EXOC2: variants seen among roughly 807,000 people sequenced by gnomAD.
EXOC2 encodes exocyst complex component 2, also known as SEC5-like 1.
EXOC2 carries 70 observed loss-of-function variants against 131.8 expected under a neutral mutation model. That is an observed-to-expected ratio of 0.53 (90% confidence interval 0.44 to 0.65). The LOEUF (loss-of-function observed/expected upper bound fraction) is 0.65. Among genes scored for constraint, EXOC2 ranks in the 30% least tolerant of loss-of-function variants. EXOC2 has a pLI of 0.00. For synonymous variants in EXOC2, 411 were observed against 398.4 expected (o/e 1.03, Z -0.38); for missense variants, 923 against 1,108.6 (o/e 0.83, Z 2.38).
intron 11 of EXOC2, among the ~76,000 whole-genome samples, chr6:577,884 C>T (rs1373722731): frequency 6.6e-6 from 1 of 152,202 alleles, no homozygotes; most frequent in Non-Finnish European, 1.5e-5. Flanking sequence ...ACAGCTATTA[C>T]ACAAGGTCAC....
Position 606,445 on chromosome 6 carries a change from GA to G in EXOC2, c.742+3652del, listed in dbSNP as rs1223487444. Among the ~76,000 whole-genome samples the G allele has an allele frequency of 5.4e-5, 8 of 149,370 alleles. No homozygotes were observed. In the East Asian group the frequency reaches 7.7e-4, roughly 14 times the overall value. The stretch of plus-strand genomic sequence containing the variant: ...AAAAAAAAGAATCTCCACATCACAA[GA>G]AAAAAAATAAAAAATAAAACATCAG... On this transcript the variant is annotated intron_variant, in intron 7 of 27. Transcript: ENST00000230449.
At chr6:497,608 TA>T in intron 24 of EXOC2, 119 bp from the exon 25 acceptor site, 1 of 1,298,548 alleles carries the variant, frequency 7.7e-7, no homozygotes, top group Non-Finnish European at 1.0e-6. Context: ...AAGTCATTTT[TA>T]AAAGGCCAAA....
intron 27 of EXOC2, among the ~76,000 whole-genome samples, chr6:487,520 C>T (rs1322585687): frequency 6.6e-6 from 1 of 152,162 alleles, no homozygotes; most frequent in Non-Finnish European, 1.5e-5. Context: ...AATTCTCCTG[C>T]CTCAGCCTCC....
At chr6:504,508 GTCC>G (rs1199569732) in intron 23 of EXOC2, among the ~76,000 whole-genome samples, 1 of 152,226 alleles carries the variant, frequency 6.6e-6, no homozygotes, top group African/African-American at 2.4e-5. Context: ...GGTGGCATAT[GTCC>G]TCCTCCCATT....
intron 4 of EXOC2, among the ~76,000 whole-genome samples, chr6:621,158 C>T (rs371421179): frequency 6.6e-6 from 1 of 152,184 alleles, no homozygotes. Flanking sequence ...TGCTTGCACA[C>T]CTGGACATGG....
intron 10 of EXOC2, 25 bp from the exon 11 acceptor site, chr6:592,612 G>C (rs766824535): frequency 1.3e-6 from 2 of 1,555,330 alleles, no homozygotes; most frequent in Admixed American, 3.5e-5. Context: ...CCAAGGTTGA[G>C]GCCAAAGGGA....
At chr6:544,740 A>G (rs748378079) in intron 22 of EXOC2, among the ~76,000 whole-genome samples, 14 of 152,230 alleles carry the variant, frequency 9.2e-5, no homozygotes, top group Non-Finnish European at 1.6e-4. Context: ...AAGCAACGCA[A>G]AACTCTAGAA....
At chr6:640,402 T>C (rs1020773058) in intron 1 of EXOC2, among the ~76,000 whole-genome samples, 2 of 152,136 alleles carry the variant, frequency 1.3e-5, no homozygotes, top group Non-Finnish European at 2.9e-5. Context: ...AAGACAGAGA[T>C]GGAAGAAAGA....
At chr6:573,459 C>T (rs1051818364) in intron 12 of EXOC2, among the ~76,000 whole-genome samples, 1 of 152,156 alleles carries the variant, frequency 6.6e-6, no homozygotes, top group East Asian at 1.9e-4. Context: ...GCAGAGTCCA[C>T]CCCGTCCAGT....
Position 610,191 on chromosome 6 carries a change from A to T in EXOC2, c.662-13T>A. The T allele has an allele frequency of 6.2e-7, 1 of 1,610,888 alleles. No individual in the cohort carries two copies. Among genetic ancestry groups the T allele is most frequent in the Non-Finnish European group, 8.5e-7 (1 of 1,177,306 alleles). On this transcript the variant is annotated splice_polypyrimidine_tract_variant and intron_variant, in intron 6 of 27. Transcript: ENST00000230449. ...TTTTGATGGATGGCTAGAAAAAAAAATCTAGTTAAAATGTAGGCCATTTTA... is the reference window on the plus strand; with the variant it reads ...TTTTGATGGATGGCTAGAAAAAAAATTCTAGTTAAAATGTAGGCCATTTTA...
At chr6:640,429 A>C (rs2127720387) in intron 1 of EXOC2, among the ~76,000 whole-genome samples, 1 of 152,334 alleles carries the variant, frequency 6.6e-6, no homozygotes, top group East Asian at 1.9e-4. Context: ...AGAAAAAAAC[A>C]CAGAACAAAC....
Position 661,175 on chromosome 6 carries a change from G to A in EXOC2, c.-43-23314C>T, listed in dbSNP as rs576964134. On this transcript the variant is annotated intron_variant, in intron 1 of 27. Coordinates refer to ENST00000230449, the MANE Select transcript of EXOC2 (RefSeq NM_018303.6). Reference sequence around the variant, plus strand: ...TGTTAAATGACCAAACCTAATAATCGGTGTTCCTGAGGAAGAAGAGAATTC... The same window carrying A: ...TGTTAAATGACCAAACCTAATAATCAGTGTTCCTGAGGAAGAAGAGAATTC... Among the ~76,000 whole-genome samples, 35 of 152,224 alleles carry A rather than the reference G, an allele frequency of 2.3e-4. No homozygotes were observed. The South Asian group carries it at 5.6e-3, about 24-fold the overall frequency.
chr6:562,951 T>C, intron 16 of EXOC2, 106 bp from the exon 17 acceptor site: 1 of 735,804 alleles, frequency 1.4e-6, no homozygotes, highest in Non-Finnish European at 2.0e-6. Context: ...TTATATAGGT[T>C]TGTAAAAACT....
intron 17 of EXOC2, 127 bp downstream of exon 17, chr6:562,657 A>G: frequency 1.9e-6 from 1 of 534,834 alleles, no homozygotes; most frequent in Non-Finnish European, 3.0e-6. Flanking sequence ...TGAGAAGAAA[A>G]CCTTTAAGAA....
chr6:602,786 G>A (rs1283769809), intron 7 of EXOC2, among the ~76,000 whole-genome samples: 1 of 152,188 alleles, frequency 6.6e-6, no homozygotes, highest in Non-Finnish European at 1.5e-5. Flanking sequence ...TAAACACAGC[G>A]TGGTTGCCAC....
intron 23 of EXOC2, among the ~76,000 whole-genome samples, chr6:507,338 CACACACCACAGCAGTGACCCCACACA>C (rs1764621470): frequency 1.9e-5 from 1 of 54,034 alleles, no homozygotes; most frequent in Non-Finnish European, 4.6e-5. Context: ...ACCCCCCCCA[CACACACCACAGCAGTGACCCCACACA>C]CACACACACA....
chr6:675,436 G>A (rs1764066633), intron 1 of EXOC2, among the ~76,000 whole-genome samples: 1 of 152,224 alleles, frequency 6.6e-6, no homozygotes, highest in Non-Finnish European at 1.5e-5. Flanking sequence ...CAGACATGCA[G>A]GAGTACATGA....
chr6:497,433 T>G lies in EXOC2; in HGVS notation c.2493A>C (p.Ala831=), dbSNP rs760120165. The G allele has an allele frequency of 1.2e-6, 2 of 1,614,090 alleles. No individual in the cohort carries two copies. Among genetic ancestry groups the G allele is most frequent in the Admixed American group, 3.3e-5 (2 of 60,016 alleles). Residue 831 remains alanine (A), a synonymous_variant, in exon 25 of 28, where the codon GCA becomes GCC. Coordinates refer to ENST00000230449, the MANE Select transcript of EXOC2 (RefSeq NM_018303.6). ...TCAGTCGACTGAGCTCTTCAGAAAC[T>G]GCTTCTATCACCTTGGATAGTACCC... ...VPRVLSKVIE[A]VSEELSRLMQ...
At chr6:650,907 TA>T (rs1167564354) in intron 1 of EXOC2, among the ~76,000 whole-genome samples, 1 of 152,242 alleles carries the variant, frequency 6.6e-6, no homozygotes, top group Non-Finnish European at 1.5e-5. Context: ...AATTTTCATT[TA>T]ATTTTTCTAA....
Sources: allele counts gnomAD v4.1 joint callset (sites outside exome capture counted in the v4.1 genomes callset), GRCh38; gene constraint gnomAD v4.1.1; transcripts MANE v1.5; gene names NCBI Gene and HGNC (gene_info 2026-07-23, HGNC 2026-07-21).